Variants in TASOR2 observed in about 807,000 individuals in gnomAD.
The protein encoded by TASOR2 is transcription activation suppressor family member 2.
A neutral mutation model predicts 199.5 loss-of-function variants in TASOR2; 84 were observed. The ratio of observed to expected loss-of-function variants is 0.42; its 90% CI spans 0.35 to 0.50. TASOR2 has a LOEUF of 0.50. TASOR2 is among the 20% of genes least tolerant of loss of function. TASOR2 has a pLI of 0.02. For missense variants in TASOR2, 2,796 were observed against 2,835.9 expected (o/e 0.99, Z 0.32); for synonymous variants, 1,103 against 1,046.6 (o/e 1.05, Z -1.04).
chr10:5,739,977 A>G (rs1240799069), exon 13 of TASOR2: 1 of 1,614,158 alleles, frequency 6.2e-7, no homozygotes, highest in Non-Finnish European at 8.5e-7. Context: ...ATCTTCTGAT[A>G]GGAAGAGTAA....
chr10:5,707,259 T>C (rs1166038833), intron 1 of TASOR2, among the ~76,000 whole-genome samples: 1 of 152,202 alleles, frequency 6.6e-6, no homozygotes, highest in Non-Finnish European at 1.5e-5. Context: ...AGTATAAATT[T>C]AACAAAATCC....
At chr10:5,756,475 G>A (rs1280789733) in intron 15 of TASOR2, 138 bp from the exon 17 acceptor site, 1 of 670,244 alleles carries the variant, frequency 1.5e-6, no homozygotes, top group East Asian at 3.1e-5. Context: ...TATAAAAGGT[G>A]CTTATTTAGT....
intron 11 of TASOR2, among the ~76,000 whole-genome samples, chr10:5,733,407 C>T (rs984766850): frequency 1.3e-5 from 2 of 152,134 alleles, no homozygotes; most frequent in African/African-American, 2.4e-5. Flanking sequence ...ACTTGGGAGG[C>T]TGAGACACGA....
intron 1 of TASOR2, among the ~76,000 whole-genome samples, chr10:5,709,950 T>G (rs955331517): frequency 6.6e-6 from 1 of 152,214 alleles, no homozygotes; most frequent in South Asian, 2.1e-4. Context: ...TAATGCTTTA[T>G]AGGCAAGCAC....
At chr10:5,726,800 C>T (rs926958072) in intron 8 of TASOR2, 85 bp from the exon 10 acceptor site, 1 of 1,227,748 alleles carries the variant, frequency 8.1e-7, no homozygotes, top group African/African-American at 1.5e-5. Flanking sequence ...TTCTTGAGGT[C>T]AATATTCACT....
chr10:5,702,425 C>T (rs1288579335), intron 1 of TASOR2, among the ~76,000 whole-genome samples: 3 of 151,986 alleles, frequency 2.0e-5, no homozygotes, highest in Non-Finnish European at 4.4e-5. Context: ...TCATTGTCTC[C>T]TCTGGTGTTA....
chr10:5,756,719 T>G (rs746951485), exon 16 of TASOR2: 1 of 1,612,448 alleles, frequency 6.2e-7, no homozygotes, highest in Admixed American at 1.7e-5. Flanking sequence ...AATGAAGATA[T>G]ATCATCACAT....
At position 5,717,650 on chromosome 10, in the gene TASOR2, C is replaced by T. The variant is rs1004542853; in HGVS notation, c.-191-9C>T. ...TCTGCTGCTTAATCTATATTTTATA[C>T]TTTTACAGGTGTATACATTTCCAAA... is the stretch of plus-strand genomic sequence containing the variant. On this transcript the variant is annotated splice_polypyrimidine_tract_variant and intron_variant, in intron 2 of 20. Coordinates refer to ENST00000328090, the Ensembl canonical transcript of TASOR2. The T allele has an allele frequency of 8.6e-7, 1 of 1,168,426 alleles. No individual in the cohort carries two copies. The highest frequency in any genetic ancestry group is 1.1e-6 in the Non-Finnish European group (1 of 929,984). 72.4% of individuals were successfully genotyped at this position (1,168,426 alleles called of 1,614,324 possible).
chr10:5,693,490 C>G (rs1253027568), intron 1 of TASOR2, among the ~76,000 whole-genome samples: 2 of 152,082 alleles, frequency 1.3e-5, no homozygotes, highest in Non-Finnish European at 2.9e-5. Context: ...TATTTTTTGG[C>G]TTTTAATAGG....
intron 7 of TASOR2, 56 bp from the exon 9 acceptor site, chr10:5,724,374 G>A (rs10737018): frequency 0.83 from 668,139 of 800,898 alleles, 279,284 homozygotes; most frequent in Admixed American, 0.88. Context: ...CAAATTGACT[G>A]TAAGTACATA....
intron 15 of TASOR2, among the ~76,000 whole-genome samples, chr10:5,755,021 G>A (rs1022874411): frequency 2.8e-5 from 4 of 141,094 alleles, no homozygotes; most frequent in African/African-American, 8.0e-5. Flanking sequence ...ACTCCAGCCT[G>A]GGCAACAGAG....
At chr10:5,759,245 A>G (rs1478540181) in intron 18 of TASOR2, among the ~76,000 whole-genome samples, 1 of 152,190 alleles carries the variant, frequency 6.6e-6, no homozygotes, top group African/African-American at 2.4e-5. Flanking sequence ...TCCATATTCT[A>G]TTTAAGCCCT....
At chr10:5,700,520 T>A (rs568503022) in intron 1 of TASOR2, among the ~76,000 whole-genome samples, 1 of 152,300 alleles carries the variant, frequency 6.6e-6, no homozygotes, top group East Asian at 1.9e-4. Flanking sequence ...CTCTTTTCCA[T>A]AGTGGCTGTA....
At position 5,720,788 on chromosome 10, in the gene TASOR2, C is replaced by A. The variant is rs1360504348; in HGVS notation, c.46+14C>A. On this transcript the variant is annotated intron_variant, in intron 5 of 20. Transcript: ENST00000328090. This position sits in a 1 kb window ranked among gnomAD's most constrained non-coding sequence, Gnocchi z 5.3. ...GCAGTGAAAATGGTAAGAAATAGTT[C>A]ATTGATTCTTTTAGGTTTTTTTTTT... 1.2e-6 allele frequency: 2 copies of A among 1,606,166 alleles called. No individual in the cohort carries two copies. The highest frequency in any genetic ancestry group is 1.3e-5 in the African/African-American group (1 of 74,192).
At chr10:5,758,681 C>T (rs1260760685) in intron 17 of TASOR2, among the ~76,000 whole-genome samples, 1 of 152,208 alleles carries the variant, frequency 6.6e-6, no homozygotes, top group Non-Finnish European at 1.5e-5. Flanking sequence ...TTATCTCCCA[C>T]CATAGTGTGA....
chr10:5,726,063 A>G (rs901790142), intron 8 of TASOR2, among the ~76,000 whole-genome samples: 1 of 152,230 alleles, frequency 6.6e-6, no homozygotes, highest in African/African-American at 2.4e-5. Context: ...TTGAAATAAA[A>G]TGTTCTGTAA....
In TASOR2 at chr10:5,748,319, T is replaced by G; in HGVS notation, c.4898T>G (p.Val1633Gly). Residue 1633 changes from valine to glycine, a missense_variant, in exon 15 of 21, where the codon GTG becomes GGG. Around this residue, in one of 3 missense-constraint regions of TASOR2, gnomAD observed 1,941 missense variants for 1,924.9 expected, o/e 1.01. Coordinates refer to ENST00000328090, the Ensembl canonical transcript of TASOR2. The surrounding 1 kb of genome is among the most constrained non-coding windows in gnomAD (Gnocchi z 5.1). ...ACAGATGAAGGCATTTATCTGCAGG[T>G]GAAGTCCTTGACAGCTGCCTCGGTT... 1 of 1,614,230 alleles carries G rather than the reference T, an allele frequency of 6.2e-7. No individual in the cohort carries two copies. The highest frequency in any genetic ancestry group is 8.5e-7 in the Non-Finnish European group (1 of 1,180,046).
chr10:5,730,481 T>C lies in TASOR2; in HGVS notation c.488-6T>C, dbSNP rs767805833. ...CAGATGTTTAATACGTGTGTATATA[T>C]TCTAGGGGTGAAAGATTTGAAAGTT... On this transcript the variant is annotated splice_polypyrimidine_tract_variant and splice_region_variant and intron_variant, in intron 10 of 20. Transcript: ENST00000328090. This position sits in a 1 kb window ranked among gnomAD's most constrained non-coding sequence, Gnocchi z 4.1. The C allele has an allele frequency of 6.3e-7, 1 of 1,578,060 alleles. No homozygotes were observed. The highest frequency in any genetic ancestry group is 1.2e-5 in the South Asian group (1 of 86,420).
exon 15 of TASOR2, chr10:5,749,235 G>A (rs200720899): frequency 1.2e-6 from 2 of 1,614,192 alleles, no homozygotes; most frequent in Non-Finnish European, 1.7e-6. Context: ...AAGATACCAT[G>A]AGAACTTCAC....
Sources: allele counts gnomAD v4.1 joint callset (sites outside exome capture counted in the v4.1 genomes callset), GRCh38; gene constraint gnomAD v4.1.1; regional missense constraint gnomAD v4.1.1; non-coding constraint Gnocchi (gnomAD v3.1); transcripts MANE v1.5; gene names NCBI Gene and HGNC (gene_info 2026-07-23, HGNC 2026-07-21).